SPI1: variants seen among roughly 807,000 people sequenced by gnomAD.
The protein encoded by SPI1 is Spi-1 proto-oncogene.
SPI1 carries 3 observed loss-of-function variants against 30.7 expected under a neutral mutation model. That is an observed-to-expected ratio of 0.10 (90% CI 0.04 to 0.25). The LOEUF (loss-of-function observed/expected upper bound fraction) is 0.25, where lower values mean the gene tolerates loss of function less well. Among genes scored for constraint, SPI1 ranks in the 10% least tolerant of loss-of-function variants. The pLI, the probability that SPI1 is intolerant of heterozygous loss-of-function variation, is 1.00. For missense variants in SPI1, 261 were observed against 371.5 expected (o/e 0.70, Z 2.45); for synonymous variants, 169 against 157.1 (o/e 1.08, Z -0.56).
chr11:47,372,761 TG>T (rs1422242963), intron 2 of SPI1, among the ~76,000 whole-genome samples: 1 of 152,176 alleles, frequency 6.6e-6, no homozygotes, highest in Non-Finnish European at 1.5e-5. Flanking sequence ...CCTCGTCCTC[TG>T]CACGTTACCT....
intron 4 of SPI1, among the ~76,000 whole-genome samples, chr11:47,356,307 C>A (rs1338156000): frequency 6.7e-6 from 1 of 149,374 alleles, no homozygotes; most frequent in Non-Finnish European, 1.5e-5. Flanking sequence ...CATGTTCAAA[C>A]CCACACTGCA....
chr11:47,355,645 G>C lies in SPI1; in HGVS notation c.494-99C>G, dbSNP rs534111964. The C allele has an allele frequency of 1.2e-5, 13 of 1,047,310 alleles. No individual in the cohort carries two copies. The African/African-American group carries it at 1.6e-4, about 13-fold the overall frequency. The allele number at this position is 1,047,310 out of a possible 1,614,324, so 64.9% of individuals were successfully genotyped here. A position where few individuals can be genotyped will look rare whatever the true frequency, so the allele number is the denominator to read the frequency against. On this transcript the variant is annotated intron_variant, in intron 4 of 4. Coordinates refer to ENST00000378538, the MANE Select transcript of SPI1 (RefSeq NM_003120.3). ...ACAGGGGCCCGGGGACGGGGTGGCCGGGAAGGGCAGGGGAACGGCTGCCCC... is the reference window on the plus strand; with the variant it reads ...ACAGGGGCCCGGGGACGGGGTGGCCCGGAAGGGCAGGGGAACGGCTGCCCC...
intron 2 of SPI1, among the ~76,000 whole-genome samples, chr11:47,366,125 C>T (rs2095927844): frequency 6.6e-6 from 1 of 152,176 alleles, no homozygotes; most frequent in East Asian, 1.9e-4. Context: ...TTCATCCATC[C>T]ATTCATCATG....
intron 4 of SPI1, 89 bp from the exon 5 acceptor site, chr11:47,355,635 C>T (rs1419352990): frequency 1.7e-6 from 2 of 1,163,720 alleles, no homozygotes; most frequent in Non-Finnish European, 2.3e-6. Flanking sequence ...GGCCCGGGGA[C>T]GGGGTGGCCG....
intron 2 of SPI1, among the ~76,000 whole-genome samples, chr11:47,361,776 T>C (rs1312694278): frequency 6.6e-6 from 1 of 152,198 alleles, no homozygotes; most frequent in East Asian, 1.9e-4. Flanking sequence ...CCCTAATAGA[T>C]AATCATGATT....
intron 2 of SPI1, among the ~76,000 whole-genome samples, chr11:47,367,485 T>A (rs1437959988): frequency 3.5e-5 from 5 of 141,898 alleles, no homozygotes; most frequent in African/African-American, 1.3e-4. Flanking sequence ...GCCTGGGAGG[T>A]GGAGGTTGCA....
chr11:47,355,376 T>C lies in SPI1; in HGVS notation c.664A>G (p.Lys222Glu). 1 of 1,613,864 alleles carries C rather than the reference T, an allele frequency of 6.2e-7. No homozygotes were observed. The highest frequency in any genetic ancestry group is 8.5e-7 in the Non-Finnish European group (1 of 1,179,804). Residue 222 changes from lysine (K) to glutamate (E), a missense_variant, in exon 5 of 5, where the codon AAG (lysine) becomes GAG (glutamate). This residue lies in a region of SPI1 where 43 missense variants were observed against 123.8 expected (regional missense o/e 0.35). Transcript: ENST00000378538. The part of the protein sequence containing the change: ...RWGIQKGNRK[K>E]MTYQKMARAL... ...CGCGCCATCTTCTGGTAGGTCATCT[T>C]CTTGCGGTTGCCCTTCTGGATGCCC...
At chr11:47,369,256 G>GCAAA (rs1477859910) in intron 2 of SPI1, among the ~76,000 whole-genome samples, 1 of 152,092 alleles carries the variant, frequency 6.6e-6, no homozygotes, top group Non-Finnish European at 1.5e-5. Context: ...TCTCAAAAAA[G>GCAAA]CAAACAAACA....
intron 2 of SPI1, among the ~76,000 whole-genome samples, chr11:47,368,470 G>A (rs2084541): frequency 1 from 151,657 of 152,366 alleles, 75,480 homozygotes; most frequent in Middle Eastern, 1. Context: ...TCATAGCAGC[G>A]TTCTTCACAA....
intron 4 of SPI1, 197 bp downstream of exon 4, chr11:47,358,647 C>G (rs775922900): frequency 1.4e-6 from 1 of 711,636 alleles, no homozygotes; most frequent in East Asian, 2.7e-5. Context: ...TGGAGATGCC[C>G]GTATGCACTA....
In SPI1 at chr11:47,358,877, C is replaced by G. The variant is rs1370570303; in HGVS notation, c.460G>C (p.Glu154Gln). The G allele has an allele frequency of 1.1e-5, 17 of 1,554,164 alleles. No individual in the cohort carries two copies. Among genetic ancestry groups the G allele is most frequent in the Non-Finnish European group, 1.5e-5 (17 of 1,148,168 alleles). Reference protein sequence around the residue: ...EVSDGEADGLEPGPGLLPGET... With the variant: ...EVSDGEADGLQPGPGLLPGET... The stretch of plus-strand genomic sequence containing the variant: ...CCAGGCAGGAGCCCAGGCCCGGGCT[C>G]CAGGCCATCCGCCTCGCCGTCAGAC... The change falls in exon 4 of 5, where the codon GAG becomes CAG. Residue 154 changes from glutamate (E) to glutamine (Q), a missense_variant. Glu to Gln is a conservative substitution (Grantham distance 29). Transcript: ENST00000378538.
Position 47,354,990 on chromosome 11 carries a change from C to T in SPI1, c.*237G>A. On this transcript the variant is annotated 3_prime_UTR_variant, in exon 5 of 5. Transcript: ENST00000378538. ...CCCCGGGTCGTCCTCTGCAAGGTTG[C>T]CCCGGTGGGGTCTGACGCCCAGCTG... is the stretch of plus-strand genomic sequence containing the variant. 1 of 339,524 alleles carries T rather than the reference C, an allele frequency of 2.9e-6. No individual in the cohort carries two copies. The highest frequency in any genetic ancestry group is 8.1e-4 in the Middle Eastern group (1 of 1,242). The allele number at this position is 339,524 out of a possible 1,614,324, so 21.0% of individuals were successfully genotyped here.
chr11:47,372,949 T>A (rs1359788465), intron 2 of SPI1, among the ~76,000 whole-genome samples: 2 of 152,214 alleles, frequency 1.3e-5, no homozygotes, highest in African/African-American at 4.8e-5. Flanking sequence ...GCTTTTTCAC[T>A]AAGCTTCAGT....
At chr11:47,377,541 A>G (rs2095943942) in intron 1 of SPI1, among the ~76,000 whole-genome samples, 1 of 151,804 alleles carries the variant, frequency 6.6e-6, no homozygotes, top group African/African-American at 2.4e-5. Flanking sequence ...CTTCACCCCC[A>G]AGACCCAGTC....
intron 4 of SPI1, among the ~76,000 whole-genome samples, chr11:47,357,652 A>G (rs922070923): frequency 6.6e-6 from 1 of 151,902 alleles, no homozygotes; most frequent in Non-Finnish European, 1.5e-5. Context: ...TGCAACCTCC[A>G]CCTCCCGGGT....
chr11:47,368,120 C>T (rs1483636182), intron 2 of SPI1, among the ~76,000 whole-genome samples: 2 of 152,120 alleles, frequency 1.3e-5, no homozygotes, highest in African/African-American at 4.8e-5. Flanking sequence ...ATTCCCAGCA[C>T]TTTGCGAGGC....
At chr11:47,363,075 ATGT>A (rs2095923227) in intron 2 of SPI1, among the ~76,000 whole-genome samples, 1 of 152,176 alleles carries the variant, frequency 6.6e-6, no homozygotes, top group Admixed American at 6.5e-5. Flanking sequence ...TTAGGGGACC[ATGT>A]TGTCACTGCA....
In SPI1 at chr11:47,359,425, TA is replaced by T. The variant is rs1211835773; in HGVS notation, c.331-420del. On this transcript the variant is annotated intron_variant, in intron 3 of 4. Coordinates refer to ENST00000378538, the MANE Select transcript of SPI1 (RefSeq NM_003120.3). This position sits in a 1 kb window ranked among gnomAD's most constrained non-coding sequence, Gnocchi z 5.1. ...TGAGTGGAGGGACCCTGGAGGTCAG[TA>T]GGGGTGGTAGAGGTCAGCAGAGGTC... Among the ~76,000 whole-genome samples the T allele has an allele frequency of 6.6e-6, 1 of 151,610 alleles. No homozygotes were observed. The highest frequency in any genetic ancestry group is 1.9e-4 in the East Asian group (1 of 5,170).
Position 47,359,897 on chromosome 11 carries a change from G to C in SPI1, c.286C>G (p.Leu96Val). The change falls in exon 3 of 5, where the codon CTC becomes GTC. Residue 96 changes from leucine to valine, a missense_variant. Physicochemically the swap from Leu to Val is conservative, Grantham distance 32 (BLOSUM62 1). Around this residue, in one of 5 missense-constraint regions of SPI1, gnomAD observed 106 missense variants for 102.0 expected, o/e 1.04. Coordinates refer to ENST00000378538, the MANE Select transcript of SPI1 (RefSeq NM_003120.3). This position sits in a 1 kb window ranked among gnomAD's most constrained non-coding sequence, Gnocchi z 5.1. ...RHMELEQMHV[L>V]DTPMVPPHPS... The stretch of plus-strand genomic sequence containing the variant: ...TGGGGTGGCACCATGGGGGTATCGA[G>C]GACGTGCATCTGCTCCAGCTCCATG... 1 of 1,609,840 alleles carries C rather than the reference G, an allele frequency of 6.2e-7. No individual in the cohort carries two copies. The highest frequency in any genetic ancestry group is 8.5e-7 in the Non-Finnish European group (1 of 1,179,872).
Sources: allele counts gnomAD v4.1 joint callset (sites outside exome capture counted in the v4.1 genomes callset), GRCh38; gene constraint gnomAD v4.1.1; regional missense constraint gnomAD v4.1.1; non-coding constraint Gnocchi (gnomAD v3.1); transcripts MANE v1.5; gene names NCBI Gene and HGNC (gene_info 2026-07-23, HGNC 2026-07-21).